Variants in MOXD1 observed in about 807,000 individuals in gnomAD.
MOXD1 encodes the protein monooxygenase DBH like 1.
Under a neutral mutation model 66.6 loss-of-function variants are expected in MOXD1, and 62 were observed. The ratio of observed to expected loss-of-function variants is 0.93; its 90% CI spans 0.76 to 1.15. The LOEUF is 1.15. MOXD1 is among the 50% of genes most tolerant of loss of function. The pLI is 0.00. For synonymous variants in MOXD1, 303 were observed against 281.9 expected (o/e 1.07, Z -0.75); for missense variants, 847 against 754.6 (o/e 1.12, Z -1.44).
intron 6 of MOXD1, 114 bp downstream of exon 6, chr6:132,327,899 T>C (rs993448760): frequency 6.7e-6 from 5 of 745,446 alleles, no homozygotes; most frequent in East Asian, 2.6e-5. Flanking sequence ...GACAAATATA[T>C]AGGTTAATTC....
intron 6 of MOXD1, among the ~76,000 whole-genome samples, chr6:132,325,393 T>C (rs968269010): frequency 2.8e-4 from 42 of 152,222 alleles, no homozygotes; most frequent in African/African-American, 9.4e-4. Context: ...ATTGTGATGA[T>C]ATTGAATGGT....
At chr6:132,321,978 C>A (rs589756) in intron 8 of MOXD1, among the ~76,000 whole-genome samples, 26,592 of 152,088 alleles carry the variant, frequency 0.17, 2,436 homozygotes, top group Non-Finnish European at 0.21. Context: ...ATCTAAAAAC[C>A]CTGTCTCCAG....
chr6:132,349,006 G>A (rs28375548), intron 4 of MOXD1, among the ~76,000 whole-genome samples: 6 of 151,210 alleles, frequency 4.0e-5, no homozygotes, highest in South Asian at 2.1e-4. Context: ...CAAGGGTTAC[G>A]GGGGCACAGG....
chr6:132,303,831 G>GTA (rs1774617328), intron 10 of MOXD1, among the ~76,000 whole-genome samples: 1 of 66,726 alleles, frequency 1.5e-5, no homozygotes, highest in Non-Finnish European at 3.1e-5. Context: ...GTGTGTGTGT[G>GTA]TGTGTATATA....
In MOXD1 at chr6:132,401,431, G is replaced by C. The variant is rs556550337; in HGVS notation, c.-5C>G. ...GAGCAGCGGCCAGCAGCACATCCTC[G>C]GGCGCCTCCTGCCCGCCGGTACCGG... On this transcript the variant is annotated 5_prime_UTR_variant, in exon 1 of 12. Transcript: ENST00000367963. 1.9e-4 allele frequency: 279 copies of C among 1,470,698 alleles called. 1 individual carries two copies. The Middle Eastern group carries it at 2.0e-3, about 11-fold the overall frequency. The allele number at this position is 1,470,698 out of a possible 1,614,324, so 91.1% of individuals were successfully genotyped here. A position where few individuals can be genotyped will look rare whatever the true frequency, so the allele number is the denominator to read the frequency against.
chr6:132,330,274 A>G (rs1266737422), intron 4 of MOXD1, among the ~76,000 whole-genome samples: 1 of 152,200 alleles, frequency 6.6e-6, no homozygotes, highest in African/African-American at 2.4e-5. Flanking sequence ...GCTGCTCCCC[A>G]ACACTCACAT....
At chr6:132,318,276 G>C (rs921057323) in intron 9 of MOXD1, among the ~76,000 whole-genome samples, 3 of 151,888 alleles carry the variant, frequency 2.0e-5, no homozygotes, top group Non-Finnish European at 4.4e-5. Context: ...ACTAGATAAT[G>C]CCATACTTTT....
At chr6:132,341,268 G>T (rs1775556183) in intron 4 of MOXD1, among the ~76,000 whole-genome samples, 1 of 152,158 alleles carries the variant, frequency 6.6e-6, no homozygotes, top group Admixed American at 6.5e-5. Flanking sequence ...TGAGGACACA[G>T]CAACAAGGTG....
chr6:132,375,564 C>G (rs936426409), intron 1 of MOXD1, among the ~76,000 whole-genome samples: 2 of 152,042 alleles, frequency 1.3e-5, no homozygotes, highest in African/African-American at 4.8e-5. Context: ...TACCTGGGAC[C>G]ACAGGTGCCC....
chr6:132,360,122 C>T (rs959395654), intron 4 of MOXD1, among the ~76,000 whole-genome samples: 4 of 152,184 alleles, frequency 2.6e-5, no homozygotes, highest in African/African-American at 4.8e-5. Flanking sequence ...TCCTCAGGGA[C>T]CAATGTGTAA....
In MOXD1 at chr6:132,401,144, C is replaced by T; in HGVS notation, c.264+19G>A. On this transcript the variant is annotated intron_variant, in intron 1 of 11. Transcript: ENST00000367963. Reference sequence around the variant, plus strand: ...GGACCGGGCTCGGCCGGGCGGGCTCCGGGAGGAGACGCGCTTACCTGGAGG... The same window carrying T: ...GGACCGGGCTCGGCCGGGCGGGCTCTGGGAGGAGACGCGCTTACCTGGAGG... 1 of 1,485,924 alleles carries T rather than the reference C, an allele frequency of 6.7e-7. No homozygotes were observed. The highest frequency in any genetic ancestry group is 8.9e-7 in the Non-Finnish European group (1 of 1,122,526). 92.0% of individuals were successfully genotyped at this position (1,485,924 alleles called of 1,614,324 possible).
chr6:132,383,442 A>T (rs1776550499), intron 1 of MOXD1, among the ~76,000 whole-genome samples: 1 of 152,224 alleles, frequency 6.6e-6, no homozygotes. Flanking sequence ...GGGATCTGTT[A>T]AATACCTACT....
rs938874175 is a variant in MOXD1 at position 132,370,460 on chromosome 6, T to G, written c.663+2148A>C. On this transcript the variant is annotated intron_variant, in intron 4 of 11. Coordinates refer to ENST00000367963, the MANE Select transcript of MOXD1 (RefSeq NM_015529.4). ...AGTTTTCTTTATTTTTTGAATAATATCCTATTTTAGTTAATTTTCAAGGAA... is the reference window on the plus strand; with the variant it reads ...AGTTTTCTTTATTTTTTGAATAATAGCCTATTTTAGTTAATTTTCAAGGAA... 1.4e-4 allele frequency among the ~76,000 whole-genome samples: 22 copies of G among 152,068 alleles called. 1 individual carries two copies. The highest frequency in any genetic ancestry group is 5.1e-4 in the African/African-American group (21 of 41,426).
intron 4 of MOXD1, among the ~76,000 whole-genome samples, chr6:132,349,402 T>TAC: frequency 4.5e-5 from 2 of 44,042 alleles, no homozygotes; most frequent in East Asian, 0.011. Flanking sequence ...TACACATATA[T>TAC]ATACATATAT....
At chr6:132,394,179 C>T (rs1006399475) in intron 1 of MOXD1, among the ~76,000 whole-genome samples, 1 of 152,118 alleles carries the variant, frequency 6.6e-6, no homozygotes, top group Non-Finnish European at 1.5e-5. Flanking sequence ...CCCTAAACCA[C>T]TGAGGAAATC....
chr6:132,353,982 T>C (rs1367302522), intron 4 of MOXD1, among the ~76,000 whole-genome samples: 3 of 152,234 alleles, frequency 2.0e-5, no homozygotes, highest in Admixed American at 6.5e-5. Context: ...ACATTTTGCA[T>C]TTCTATAAGA....
chr6:132,299,886 C>T (rs1292054808), intron 10 of MOXD1, among the ~76,000 whole-genome samples: 1 of 148,958 alleles, frequency 6.7e-6, no homozygotes, highest in East Asian at 2.1e-4. Flanking sequence ...TCATTTCTCT[C>T]TCCCTCTCTC....
At chr6:132,298,562 G>A (rs1219031573) in intron 10 of MOXD1, among the ~76,000 whole-genome samples, 5 of 152,080 alleles carry the variant, frequency 3.3e-5, no homozygotes, top group Non-Finnish European at 7.4e-5. Context: ...GCTTAGCTAA[G>A]TGAGAAGACA....
intron 4 of MOXD1, among the ~76,000 whole-genome samples, chr6:132,329,575 C>T (rs1775273023): frequency 1.3e-5 from 2 of 152,032 alleles, no homozygotes; most frequent in Non-Finnish European, 1.5e-5. Context: ...GAGGTGAGAT[C>T]TCATTTATCT....
Sources: gnomAD v4.1 joint callset for allele counts (sites outside exome capture counted in the v4.1 genomes callset) on GRCh38, gnomAD v4.1.1 for gene constraint, MANE v1.5 for transcripts, NCBI Gene and HGNC (gene_info 2026-07-23, HGNC 2026-07-21) for gene names.